The following GLS variants were observed in gnomAD, a reference collection of about 807,000 sequenced individuals.
GLS encodes glutaminase, also known as glutaminase kidney isoform, mitochondrial.
In GLS, 36 loss-of-function variants were observed where a neutral mutation model predicts 86.7. The observed-to-expected ratio is 0.42, with a 90% confidence interval of 0.32 to 0.55. The LOEUF (loss-of-function observed/expected upper bound fraction) is 0.55, where lower values mean the gene tolerates loss of function less well. GLS is among the 20% of genes least tolerant of loss of function. The pLI is 0.17. For missense variants in GLS, 528 were observed against 833.4 expected (o/e 0.63, Z 4.51); for synonymous variants, 317 against 305.9 (o/e 1.04, Z -0.38).
intron 6 of GLS, among the ~76,000 whole-genome samples, chr2:190,909,186 CTTTTTA>C (rs1689266418): frequency 1.4e-5 from 2 of 147,652 alleles, no homozygotes; most frequent in Non-Finnish European, 3.0e-5. Context: ...GGATATTTTT[CTTTTTA>C]TTTATTTATT....
rs1466979658 is a variant in GLS at position 190,953,726 on chromosome 2, CT to C, written c.1712+103del. 2 of 837,872 alleles carry C rather than the reference CT, an allele frequency of 2.4e-6. No individual in the cohort carries two copies. The highest frequency in any genetic ancestry group is 3.9e-6 in the Non-Finnish European group (2 of 516,652). 51.9% of individuals were successfully genotyped at this position (837,872 alleles called of 1,614,324 possible). A position where few individuals can be genotyped will look rare whatever the true frequency, so the allele number is the denominator to read the frequency against. On this transcript the variant is annotated intron_variant, in intron 15 of 17. Transcript: ENST00000320717. The surrounding 1 kb of genome is among the most constrained non-coding windows in gnomAD (Gnocchi z 4.0). ...AGGTTAAAGTCTCACTTTTCTTTCC[CT>C]TTGATAAAAATGACCCCAACAAAAT... is the stretch of plus-strand genomic sequence containing the variant.
In GLS at chr2:190,921,367, A is replaced by G. The variant is rs1434597583; in HGVS notation, c.1130+164A>G. ...TGACAAATTTCTTACAGGTAATCAT[A>G]CAATCAGAAGAGACCCCAAGTTTAT... On this transcript the variant is annotated intron_variant, in intron 9 of 17. Coordinates refer to ENST00000320717, the MANE Select transcript of GLS (RefSeq NM_014905.5). This position sits in a 1 kb window ranked among gnomAD's most constrained non-coding sequence, Gnocchi z 4.2. 1.3e-5 allele frequency among the ~76,000 whole-genome samples: 2 copies of G among 151,980 alleles called. No individual in the cohort carries two copies. The highest frequency in any genetic ancestry group is 2.9e-5 in the Non-Finnish European group (2 of 67,862).
intron 14 of GLS, among the ~76,000 whole-genome samples, chr2:190,936,795 G>A (rs1288224800): frequency 1.3e-5 from 2 of 151,166 alleles, no homozygotes; most frequent in Admixed American, 1.3e-4. Context: ...GCAGTTTATG[G>A]AACAGTTTTA....
intron 14 of GLS, among the ~76,000 whole-genome samples, chr2:190,950,441 CAA>C (rs1329641310): frequency 6.6e-6 from 1 of 152,096 alleles, no homozygotes. Flanking sequence ...GATAGGATTC[CAA>C]ACATATTTTG....
Position 190,881,152 on chromosome 2 carries a change from C to T in GLS, c.68C>T (p.Ala23Val), listed in dbSNP as rs1346199639. Residue 23 changes from alanine to valine, a missense_variant, in exon 1 of 18, where the codon GCG (alanine) becomes GTG (valine). Coordinates refer to ENST00000320717, the MANE Select transcript of GLS (RefSeq NM_014905.5). ...LLLRSPAGVS[A>V]TLRRAQPLVT... Reference sequence around the variant, plus strand: ...CTGCGGTCGCCCGCCGGCGTGAGCGCGACTCTGCGGCGGGCACAGCCCTTG... The same window carrying T: ...CTGCGGTCGCCCGCCGGCGTGAGCGTGACTCTGCGGCGGGCACAGCCCTTG... 1.9e-6 allele frequency: 3 copies of T among 1,554,344 alleles called. No homozygotes were observed. Among genetic ancestry groups the T allele is most frequent in the Non-Finnish European group, 2.6e-6 (3 of 1,158,496 alleles).
rs964152110 is a variant in GLS, at chr2:190,954,966, T to C, written c.1853+148T>C. On this transcript the variant is annotated intron_variant, in intron 17 of 17. Transcript: ENST00000320717. The surrounding 1 kb of genome is among the most constrained non-coding windows in gnomAD (Gnocchi z 4.0). ...GGCAATAAACCTTGTTTCTACTAGA[T>C]AGGTAATTCTGTCTCCCATATCCTG... The C allele has an allele frequency of 1.8e-5, 11 of 604,578 alleles. No homozygotes were observed. In the Admixed American group the frequency reaches 2.9e-4, roughly 16 times the overall value. The allele number at this position is 604,578 out of a possible 1,614,324, so 37.5% of individuals were successfully genotyped here. A position where few individuals can be genotyped will look rare whatever the true frequency, so the allele number is the denominator to read the frequency against.
At chr2:190,898,928 AATT>A (rs1193185143) in intron 3 of GLS, among the ~76,000 whole-genome samples, 2 of 152,204 alleles carry the variant, frequency 1.3e-5, no homozygotes, top group Non-Finnish European at 2.9e-5. Flanking sequence ...GTGCCTGGCT[AATT>A]ATAAATTCTT....
chr2:190,880,894 GCAGC>G lies in GLS; in HGVS notation c.-190_-187del. Reference sequence around the variant, plus strand: ...GCGCGCAGCAGCAGCAGCAGCAGCAGCAGCAGCAGCAGCAGCAGCAGCAGCACCC... The same window carrying G: ...GCGCGCAGCAGCAGCAGCAGCAGCAGAGCAGCAGCAGCAGCAGCAGCACCC... On this transcript the variant is annotated 5_prime_UTR_variant, in exon 1 of 18. Coordinates refer to ENST00000320717, the MANE Select transcript of GLS (RefSeq NM_014905.5). 4 of 526,756 alleles carry G rather than the reference GCAGC, an allele frequency of 7.6e-6. No homozygotes were observed. In the East Asian group the frequency reaches 3.7e-4, roughly 49 times the overall value. The allele number at this position is 526,756 out of a possible 1,614,324, so 32.6% of individuals were successfully genotyped here.
At chr2:190,907,074 G>A (rs1181044652) in intron 6 of GLS, among the ~76,000 whole-genome samples, 3 of 151,272 alleles carry the variant, frequency 2.0e-5, no homozygotes, top group Middle Eastern at 3.2e-3. Context: ...ACAGGCACCC[G>A]CCAGCACGCC....
chr2:190,959,365 A>T (rs979675556), intron 17 of GLS, among the ~76,000 whole-genome samples: 6 of 150,934 alleles, frequency 4.0e-5, no homozygotes, highest in Non-Finnish European at 7.4e-5. Flanking sequence ...ATGGGTCTTG[A>T]CTCTATCCAA....
At chr2:190,917,173 G>T (rs1689564614) in intron 7 of GLS, among the ~76,000 whole-genome samples, 1 of 152,162 alleles carries the variant, frequency 6.6e-6, no homozygotes, top group South Asian at 2.1e-4. Context: ...CCAAAACTCT[G>T]CCACTGCTTT....
rs1243420572 is a variant in GLS at position 190,920,450 on chromosome 2, A to C, written c.1039-574A>C. ...TAATTTTTTTTAGTTCAAGTATATT[A>C]TAGCAAGTGAGAGCTATTAAGAATA... On this transcript the variant is annotated intron_variant, in intron 7 of 17. Coordinates refer to ENST00000320717, the MANE Select transcript of GLS (RefSeq NM_014905.5). This position sits in a 1 kb window ranked among gnomAD's most constrained non-coding sequence, Gnocchi z 4.2. Among the ~76,000 whole-genome samples the C allele has an allele frequency of 6.6e-6, 1 of 151,882 alleles. No individual in the cohort carries two copies. Among genetic ancestry groups the C allele is most frequent in the Non-Finnish European group, 1.5e-5 (1 of 67,766 alleles).
At chr2:190,889,947 A>C (rs1258806886) in intron 1 of GLS, among the ~76,000 whole-genome samples, 3 of 152,152 alleles carry the variant, frequency 2.0e-5, no homozygotes, top group African/African-American at 4.8e-5. Flanking sequence ...TCTTATGTGC[A>C]TTTTGGTTAG....
intron 1 of GLS, among the ~76,000 whole-genome samples, chr2:190,888,217 G>A (rs116004171): frequency 1.2e-3 from 189 of 152,212 alleles, no homozygotes; most frequent in Non-Finnish European, 2.3e-3. Flanking sequence ...AGAACAGTAA[G>A]CACCATTACA....
intron 6 of GLS, among the ~76,000 whole-genome samples, chr2:190,907,502 T>A (rs978633085): frequency 6.7e-6 from 1 of 150,084 alleles, no homozygotes; most frequent in Admixed American, 6.6e-5. Context: ...GTGATCTGCC[T>A]GCCTCAGCCT....
At position 190,964,100 on chromosome 2, in the gene GLS, G is replaced by GTAAT. The variant is rs1480883794; in HGVS notation, c.*1116_*1119dup. 1.3e-5 allele frequency: 2 copies of GTAAT among 152,050 alleles called. No individual in the cohort carries two copies. The highest frequency in any genetic ancestry group is 4.8e-5 in the African/African-American group (2 of 41,406). The allele number at this position is 152,050 out of a possible 1,614,324, so 9.4% of individuals were successfully genotyped here. On this transcript the variant is annotated 3_prime_UTR_variant, in exon 18 of 18. Transcript: ENST00000320717. The surrounding 1 kb of genome is among the most constrained non-coding windows in gnomAD (Gnocchi z 5.2). ...AGATTTCTTGTGATTTTTCTATTGT[G>GTAAT]TAATTCTTGGTGGGCTCTGTAGTTT...
chr2:190,917,934 A>G (rs1263272311), intron 7 of GLS, among the ~76,000 whole-genome samples: 1 of 152,152 alleles, frequency 6.6e-6, no homozygotes, highest in East Asian at 1.9e-4. Context: ...ATTAAAAAAC[A>G]AAATCTTTTT....
chr2:190,960,598 A>G (rs1199799778), intron 17 of GLS, among the ~76,000 whole-genome samples: 1 of 151,316 alleles, frequency 6.6e-6, no homozygotes, highest in Non-Finnish European at 1.5e-5. Context: ...CTGGTCTCCA[A>G]CTCCTGGGCT....
At chr2:190,957,071 C>G (rs1042680094) in intron 17 of GLS, among the ~76,000 whole-genome samples, 1 of 151,776 alleles carries the variant, frequency 6.6e-6, no homozygotes, top group Non-Finnish European at 1.5e-5. Context: ...TTGACTTCCT[C>G]TCTTCCTATT....
Sources: gnomAD v4.1 joint callset for allele counts (sites outside exome capture counted in the v4.1 genomes callset) on GRCh38, gnomAD v4.1.1 for gene constraint, Gnocchi (gnomAD v3.1) non-coding constraint, MANE v1.5 for transcripts, NCBI Gene and HGNC (gene_info 2026-07-23, HGNC 2026-07-21) for gene names.